Variants in DMXL2 observed in about 807,000 individuals in gnomAD.
DMXL2 encodes dmX-like protein 2.
A neutral mutation model predicts 331.1 loss-of-function variants in DMXL2; 103 were observed. The observed-to-expected ratio is 0.31, with a 90% CI of 0.27 to 0.37. The LOEUF is 0.37. Ranked by LOEUF, DMXL2 falls within the 10% of genes least tolerant of loss-of-function variation. The pLI, the probability that DMXL2 is intolerant of heterozygous loss-of-function variation, is 1.00. For synonymous variants in DMXL2, 1,281 were observed against 1,252.1 expected (o/e 1.02, Z -0.49); for missense variants, 3,171 against 3,642.9 (o/e 0.87, Z 3.33).
intron 34 of DMXL2, 89 bp downstream of exon 34, chr15:51,459,509 G>C: frequency 9.0e-7 from 1 of 1,108,018 alleles, no homozygotes; most frequent in Non-Finnish European, 1.2e-6. Flanking sequence ...TAGTTAGCCA[G>C]TTGGGCAGGT....
At chr15:51,460,992 G>GCCAAC (rs1374544240) in intron 33 of DMXL2, among the ~76,000 whole-genome samples, 2 of 152,070 alleles carry the variant, frequency 1.3e-5, no homozygotes, top group Non-Finnish European at 2.9e-5. Context: ...CTACTATGTT[G>GCCAAC]GACTATGCAG....
intron 13 of DMXL2, among the ~76,000 whole-genome samples, chr15:51,526,718 C>A (rs1334205009): frequency 6.6e-6 from 1 of 152,072 alleles, no homozygotes; most frequent in Non-Finnish European, 1.5e-5. Context: ...TAATTAAAAA[C>A]AATCAAGCAG....
intron 1 of DMXL2, among the ~76,000 whole-genome samples, chr15:51,595,140 T>G (rs1230779635): frequency 2.0e-5 from 3 of 152,236 alleles, no homozygotes; most frequent in Non-Finnish European, 4.4e-5. Context: ...TGTCCCTGTT[T>G]GCAGATGACA....
At chr15:51,472,240 C>G (rs1480909096) in intron 28 of DMXL2, among the ~76,000 whole-genome samples, 1 of 152,116 alleles carries the variant, frequency 6.6e-6, no homozygotes, top group African/African-American at 2.4e-5. Flanking sequence ...TCTATCTTCC[C>G]TACCCCAGAC....
rs1271944138 is a variant in DMXL2, at chr15:51,622,550, G to T, written c.-5C>A. The stretch of plus-strand genomic sequence containing the variant: ...GAGGACCTGATGCAGATGCATCTCC[G>T]GAGCCCGGGCTGGACAGAATGCGCG... On this transcript the variant is annotated 5_prime_UTR_variant, in exon 1 of 44. Transcript: ENST00000560891. The T allele has an allele frequency of 5.2e-6, 8 of 1,551,782 alleles. No homozygotes were observed. The highest frequency in any genetic ancestry group is 7.0e-6 in the Non-Finnish European group (8 of 1,147,034).
At chr15:51,461,545 T>C (rs1043013399) in intron 33 of DMXL2, among the ~76,000 whole-genome samples, 17 of 152,230 alleles carry the variant, frequency 1.1e-4, no homozygotes, top group South Asian at 2.1e-4. Flanking sequence ...GAGCCCCTAA[T>C]TGACCAGAAA....
chr15:51,485,338 AT>A (rs1383033463), intron 23 of DMXL2, among the ~76,000 whole-genome samples: 1 of 152,142 alleles, frequency 6.6e-6, no homozygotes, highest in Non-Finnish European at 1.5e-5. Context: ...GGATCTCCTC[AT>A]TTTTATTCCC....
At chr15:51,564,281 T>C (rs763922802) in intron 4 of DMXL2, 21 bp from the exon 5 acceptor site, 1 of 1,540,404 alleles carries the variant, frequency 6.5e-7, no homozygotes. Context: ...AAGAATGTTA[T>C]GATGAATATG....
chr15:51,462,867 A>G (rs2040247947), intron 33 of DMXL2, among the ~76,000 whole-genome samples: 2 of 152,182 alleles, frequency 1.3e-5, no homozygotes, highest in Non-Finnish European at 2.9e-5. Flanking sequence ...TAACCATGCA[A>G]TGCAGAACCT....
intron 2 of DMXL2, among the ~76,000 whole-genome samples, chr15:51,571,219 T>C (rs900292899): frequency 1.3e-5 from 2 of 152,150 alleles, no homozygotes; most frequent in African/African-American, 4.8e-5. Flanking sequence ...AGGGATCAAT[T>C]CAACGAGAAG....
chr15:51,493,277 A>G (rs908154551), intron 19 of DMXL2, among the ~76,000 whole-genome samples: 2 of 152,200 alleles, frequency 1.3e-5, no homozygotes, highest in Non-Finnish European at 2.9e-5. Context: ...TTTTGCTGAT[A>G]TAAAATATAT....
chr15:51,518,579 T>C (rs1427675689), intron 13 of DMXL2, among the ~76,000 whole-genome samples: 1 of 152,176 alleles, frequency 6.6e-6, no homozygotes, highest in Non-Finnish European at 1.5e-5. Context: ...CATGCGTATA[T>C]TAAAGTTTAA....
At chr15:51,585,504 A>G (rs2051743484) in intron 1 of DMXL2, among the ~76,000 whole-genome samples, 1 of 152,018 alleles carries the variant, frequency 6.6e-6, no homozygotes, top group African/African-American at 2.4e-5. Flanking sequence ...GTCTTTTACT[A>G]TTTCAAACAA....
chr15:51,527,321 A>T (rs187442482), intron 13 of DMXL2, among the ~76,000 whole-genome samples: 14 of 152,332 alleles, frequency 9.2e-5, no homozygotes, highest in Admixed American at 6.5e-4. Context: ...AAGGATAACT[A>T]AAAACTTTTT....
intron 13 of DMXL2, among the ~76,000 whole-genome samples, chr15:51,534,851 C>T (rs1467557011): frequency 6.6e-6 from 1 of 152,168 alleles, no homozygotes; most frequent in Non-Finnish European, 1.5e-5. Context: ...ATAAAGAATT[C>T]TATGCCTACC....
At chr15:51,569,832 G>A (rs2050542543) in intron 2 of DMXL2, among the ~76,000 whole-genome samples, 1 of 152,160 alleles carries the variant, frequency 6.6e-6, no homozygotes, top group Non-Finnish European at 1.5e-5. Flanking sequence ...TGAAGATGGG[G>A]AGAAACCAGT....
chr15:51,605,211 A>AT (rs1164759057), intron 1 of DMXL2, among the ~76,000 whole-genome samples: 11 of 151,820 alleles, frequency 7.2e-5, no homozygotes, highest in African/African-American at 2.7e-4. Flanking sequence ...AAATATATGT[A>AT]TTTTTTTTAA....
chr15:51,507,982 A>T (rs1468701825), intron 15 of DMXL2, among the ~76,000 whole-genome samples: 1 of 152,190 alleles, frequency 6.6e-6, no homozygotes, highest in Non-Finnish European at 1.5e-5. Flanking sequence ...CAGGATAATA[A>T]AAGCTTTCCT....
intron 40 of DMXL2, among the ~76,000 whole-genome samples, chr15:51,454,573 T>G (rs2039449657): frequency 1.3e-5 from 2 of 152,148 alleles, no homozygotes. Context: ...CTCAGCTCAC[T>G]GCAACCTCCG....
Sources: allele counts gnomAD v4.1 joint callset (sites outside exome capture counted in the v4.1 genomes callset), GRCh38; gene constraint gnomAD v4.1.1; transcripts MANE v1.5; gene names NCBI Gene and HGNC (gene_info 2026-07-23, HGNC 2026-07-21).